Variants in PSPC1 observed in about 807,000 individuals in gnomAD.
The protein encoded by PSPC1 is paraspeckle protein 1.
A neutral mutation model predicts 51.6 loss-of-function variants in PSPC1; 14 were observed. The ratio of observed to expected loss-of-function variants is 0.27; its 90% confidence interval spans 0.18 to 0.42. The LOEUF (loss-of-function observed/expected upper bound fraction) is 0.42, where lower values mean the gene tolerates loss of function less well. Ranked by LOEUF, PSPC1 falls within the 10% of genes least tolerant of loss-of-function variation. PSPC1 has a pLI of 1.00. For synonymous variants in PSPC1, 193 were observed against 231.9 expected, an observed-to-expected ratio of 0.83 and a Z score of 1.53; for missense variants, 406 against 701.1, an observed-to-expected ratio of 0.58 and a Z score of 4.75.
intron 4 of PSPC1, among the ~76,000 whole-genome samples, chr13:19,746,763 T>C (rs1886034594): frequency 6.6e-6 from 1 of 151,824 alleles, no homozygotes; most frequent in African/African-American, 2.4e-5. Context: ...TAATTATCAG[T>C]AAAGTATAAA....
chr13:19,742,274 A>AAC (rs1200261047), intron 4 of PSPC1, among the ~76,000 whole-genome samples: 1 of 151,252 alleles, frequency 6.6e-6, no homozygotes. Context: ...AAAAAAAAAA[A>AAC]AACAAACAAA....
chr13:19,774,172 G>A (rs540668654), intron 1 of PSPC1, among the ~76,000 whole-genome samples: 2 of 152,318 alleles, frequency 1.3e-5, no homozygotes, highest in Admixed American at 1.3e-4. Flanking sequence ...CAAAGTTGGT[G>A]TAGAATATGG....
At chr13:19,680,480 A>T (rs1877151961) in intron 6 of PSPC1, among the ~76,000 whole-genome samples, 1 of 152,224 alleles carries the variant, frequency 6.6e-6, no homozygotes, top group African/African-American at 2.4e-5. Context: ...GCTACTACAC[A>T]TCTATTCAAT....
At chr13:19,740,580 T>C (rs1885332233) in intron 5 of PSPC1, among the ~76,000 whole-genome samples, 2 of 152,212 alleles carry the variant, frequency 1.3e-5, no homozygotes, top group Non-Finnish European at 2.9e-5. Flanking sequence ...CAAATACTAT[T>C]TTCAAAAACA....
Position 19,782,629 on chromosome 13 carries a change from C to T in PSPC1, c.129G>A (p.Gly43=). 1 of 1,574,052 alleles carries T rather than the reference C, an allele frequency of 6.4e-7. No homozygotes were observed. Among genetic ancestry groups the T allele is most frequent in the Admixed American group, 1.9e-5 (1 of 53,566 alleles). ...AAAAMALALA[G]EPAPPAPAPP... ...GCGCGGGCGCGGGCGGTGCCGGCTC[C>T]CCGGCAAGAGCGAGCGCCATGGCTG... The change falls in exon 1 of 9, where the codon GGG becomes GGA. Residue 43 remains glycine (G), a synonymous_variant. Coordinates refer to ENST00000338910, the MANE Select transcript of PSPC1 (RefSeq NM_001354909.2). This position sits in a 1 kb window ranked among gnomAD's most constrained non-coding sequence, Gnocchi z 4.5.
chr13:19,676,970 C>T (rs1463668106), intron 7 of PSPC1, among the ~76,000 whole-genome samples: 1 of 152,216 alleles, frequency 6.6e-6, no homozygotes, highest in Non-Finnish European at 1.5e-5. Flanking sequence ...CACAGTGGCT[C>T]ACGCCTCTAA....
At chr13:19,674,942 CTCCTTCCAGGT>C (rs1406266393) in exon 8 of PSPC1, 1 of 152,226 alleles carries the variant, frequency 6.6e-6, no homozygotes, top group African/African-American at 2.4e-5. Flanking sequence ...TTCTAGACGT[CTCCTTCCAGGT>C]TCGGAAAAGC....
Position 19,782,601 on chromosome 13 carries a change from G to GAGGCGC in PSPC1, c.151_156dup (p.Ala51_Pro52dup). Reference sequence around the variant, plus strand: ...ATCTCCTCGTCCGGGTGGTCCTCTGGAGGCGCGGGCGCGGGCGGTGCCGGC... The same window carrying GAGGCGC: ...ATCTCCTCGTCCGGGTGGTCCTCTGGAGGCGCAGGCGCGGGCGCGGGCGGTGCCGGC... On this transcript the variant is annotated inframe_insertion, in exon 1 of 9. Transcript: ENST00000338910. This position sits in a 1 kb window ranked among gnomAD's most constrained non-coding sequence, Gnocchi z 4.5. 1.9e-6 allele frequency: 3 copies of GAGGCGC among 1,584,912 alleles called. No homozygotes were observed. The South Asian group carries it at 3.4e-5, about 18-fold the overall frequency.
chr13:19,696,363 GTTTC>G (rs1426073987), intron 6 of PSPC1, among the ~76,000 whole-genome samples: 1 of 152,066 alleles, frequency 6.6e-6, no homozygotes, highest in Non-Finnish European at 1.5e-5. Context: ...TCAGGTGACT[GTTTC>G]TTTGCACTGG....
At chr13:19,766,247 T>C (rs1888056303) in intron 2 of PSPC1, among the ~76,000 whole-genome samples, 1 of 152,026 alleles carries the variant, frequency 6.6e-6, no homozygotes. Flanking sequence ...GTGGTGAACA[T>C]CTGTAATCCC....
chr13:19,762,501 A>C (rs1270549977), intron 2 of PSPC1, among the ~76,000 whole-genome samples: 5 of 152,186 alleles, frequency 3.3e-5, no homozygotes, highest in Non-Finnish European at 7.3e-5. Flanking sequence ...CAGAGGTTGC[A>C]GTGAGCCGAG....
At chr13:19,697,135 CACAAT>C (rs1236927978) in intron 6 of PSPC1, among the ~76,000 whole-genome samples, 1 of 152,120 alleles carries the variant, frequency 6.6e-6, no homozygotes, top group Non-Finnish European at 1.5e-5. Context: ...TCTTTTGAGG[CACAAT>C]ATCTGAAAAC....
chr13:19,744,430 T>C (rs984675077), intron 4 of PSPC1, among the ~76,000 whole-genome samples: 6 of 152,216 alleles, frequency 3.9e-5, no homozygotes, highest in African/African-American at 1.2e-4. Flanking sequence ...GACTAAATTA[T>C]ATATTTTTTA....
chr13:19,780,777 CCT>C (rs1889871523), intron 1 of PSPC1, among the ~76,000 whole-genome samples: 1 of 150,622 alleles, frequency 6.6e-6, no homozygotes, highest in Non-Finnish European at 1.5e-5. Flanking sequence ...GCCAAATCCC[CCT>C]CTGTGAGAAA....
At chr13:19,727,629 A>T (rs77710461) in intron 6 of PSPC1, among the ~76,000 whole-genome samples, 1 of 152,240 alleles carries the variant, frequency 6.6e-6, no homozygotes, top group Non-Finnish European at 1.5e-5. Flanking sequence ...TCTGTCATTT[A>T]GTCCAATGCA....
At chr13:19,682,105 C>T (rs1046724617) in intron 6 of PSPC1, among the ~76,000 whole-genome samples, 1 of 152,062 alleles carries the variant, frequency 6.6e-6, no homozygotes, top group East Asian at 1.9e-4. Context: ...GACAACAGAT[C>T]CACAAGGTCA....
At chr13:19,743,140 A>G (rs2138053626) in intron 4 of PSPC1, among the ~76,000 whole-genome samples, 1 of 152,250 alleles carries the variant, frequency 6.6e-6, no homozygotes, top group South Asian at 2.1e-4. Context: ...CAAAGCTAAA[A>G]ATCTTTGTGT....
chr13:19,777,963 G>C (rs999194133), intron 1 of PSPC1, among the ~76,000 whole-genome samples: 1 of 150,382 alleles, frequency 6.6e-6, no homozygotes, highest in Non-Finnish European at 1.5e-5. Flanking sequence ...CAGTCCCTTG[G>C]CTGGGCGCCG....
intron 5 of PSPC1, among the ~76,000 whole-genome samples, chr13:19,741,248 C>T (rs535774226): frequency 6.6e-6 from 1 of 152,154 alleles, no homozygotes; most frequent in African/African-American, 2.4e-5. Flanking sequence ...TTACACATAA[C>T]AAAATAAATA....
Sources: allele counts gnomAD v4.1 joint callset (sites outside exome capture counted in the v4.1 genomes callset), GRCh38; gene constraint gnomAD v4.1.1; non-coding constraint Gnocchi (gnomAD v3.1); transcripts MANE v1.5; gene names NCBI Gene and HGNC (gene_info 2026-07-23, HGNC 2026-07-21).